The following ZFAND3 variants were observed in gnomAD, a reference collection of about 807,000 sequenced individuals.
The protein encoded by ZFAND3 is zinc finger AN1-type containing 3.
A neutral mutation model predicts 29.6 loss-of-function variants in ZFAND3; 10 were observed. The ratio of observed to expected loss-of-function variants is 0.34; its 90% confidence interval spans 0.21 to 0.57. The LOEUF (loss-of-function observed/expected upper bound fraction) is 0.57. ZFAND3 is among the 20% of genes least tolerant of loss of function. The pLI, the probability that ZFAND3 is intolerant of heterozygous loss-of-function variation, is 0.86. For missense variants in ZFAND3, 230 were observed against 304.5 expected (o/e 0.76, Z 1.82); for synonymous variants, 128 against 112.6 (o/e 1.14, Z -0.87).
intron 1 of ZFAND3, among the ~76,000 whole-genome samples, chr6:37,895,459 C>CTGTTT (rs1765183098): frequency 2.6e-5 from 2 of 76,772 alleles, no homozygotes; most frequent in Non-Finnish European, 2.4e-5. Flanking sequence ...CTCAGAGGTT[C>CTGTTT]TTTTTTTTTT....
chr6:37,909,770 T>G (rs1292923242), intron 1 of ZFAND3, among the ~76,000 whole-genome samples: 1 of 152,114 alleles, frequency 6.6e-6, no homozygotes. Context: ...TGTAAATACT[T>G]CCATTTCTTT....
intron 2 of ZFAND3, among the ~76,000 whole-genome samples, chr6:37,992,831 T>C (rs924257348): frequency 1.3e-5 from 2 of 152,196 alleles, no homozygotes; most frequent in Non-Finnish European, 2.9e-5. Flanking sequence ...TTTTTTTGTT[T>C]TTCCTGTCAT....
At chr6:38,023,418 CA>C (rs111474761) in intron 2 of ZFAND3, among the ~76,000 whole-genome samples, 10,392 of 152,052 alleles carry the variant, frequency 0.068, 430 homozygotes, top group Non-Finnish European at 0.087. Flanking sequence ...TTTGAGAGAT[CA>C]AAAAATGATA....
chr6:37,982,432 T>C (rs994203322), intron 2 of ZFAND3, among the ~76,000 whole-genome samples: 20 of 152,172 alleles, frequency 1.3e-4, no homozygotes, highest in Admixed American at 6.5e-5. Flanking sequence ...GGGTGAAAGA[T>C]GATGCAAATA....
intron 1 of ZFAND3, among the ~76,000 whole-genome samples, chr6:37,907,132 G>A (rs541000843): frequency 6.6e-6 from 1 of 151,622 alleles, no homozygotes; most frequent in South Asian, 2.1e-4. Flanking sequence ...CTGACTCTCT[G>A]TCTGCACTAA....
chr6:38,045,104 T>TTATC (rs57678196), intron 2 of ZFAND3, among the ~76,000 whole-genome samples: 1 of 148,962 alleles, frequency 6.7e-6, no homozygotes, highest in African/African-American at 2.5e-5. Context: ...ATTTATTTAT[T>TTATC]GAGATGGAAT....
At chr6:37,835,407 C>T (rs1189480114) in intron 1 of ZFAND3, among the ~76,000 whole-genome samples, 1 of 151,694 alleles carries the variant, frequency 6.6e-6, no homozygotes, top group African/African-American at 2.4e-5. Context: ...TCCTCCTGCC[C>T]CAGCCTCCCA....
intron 2 of ZFAND3, among the ~76,000 whole-genome samples, chr6:38,039,829 A>G (rs747479396): frequency 2.6e-5 from 4 of 152,172 alleles, no homozygotes; most frequent in Non-Finnish European, 2.9e-5. Context: ...AAATATGACT[A>G]ATATTAAAAT....
At chr6:37,878,909 G>T (rs968444871) in intron 1 of ZFAND3, among the ~76,000 whole-genome samples, 2 of 152,208 alleles carry the variant, frequency 1.3e-5, no homozygotes, top group African/African-American at 4.8e-5. Flanking sequence ...TGTTTCTCCA[G>T]GACAGGTCAG....
intron 1 of ZFAND3, among the ~76,000 whole-genome samples, chr6:37,834,064 G>A (rs937824948): frequency 6.6e-6 from 1 of 151,786 alleles, no homozygotes; most frequent in African/African-American, 2.4e-5. Flanking sequence ...TCTTGGTGGT[G>A]GTATATTCAG....
chr6:38,114,074 C>T (rs1368897449), intron 4 of ZFAND3, among the ~76,000 whole-genome samples: 1 of 152,216 alleles, frequency 6.6e-6, no homozygotes, highest in Non-Finnish European at 1.5e-5. Context: ...AAGGCCTCAG[C>T]TGCCTCCCCA....
intron 1 of ZFAND3, among the ~76,000 whole-genome samples, chr6:37,878,572 AC>A (rs1445453507): frequency 2.0e-5 from 3 of 152,170 alleles, no homozygotes; most frequent in Non-Finnish European, 4.4e-5. Flanking sequence ...CCACAGCAGC[AC>A]CCTGGGGCTG....
intron 2 of ZFAND3, among the ~76,000 whole-genome samples, chr6:37,951,049 G>A: frequency 6.6e-6 from 1 of 152,094 alleles, no homozygotes; most frequent in Non-Finnish European, 1.5e-5. Context: ...TTTTTCAGCA[G>A]TGTTTTATAA....
intron 2 of ZFAND3, among the ~76,000 whole-genome samples, chr6:37,938,029 TTTAC>T (rs1473373928): frequency 2.0e-5 from 3 of 152,208 alleles, no homozygotes; most frequent in Admixed American, 6.5e-5. Context: ...ACAGTTTTCT[TTTAC>T]CCTAGTCATC....
chr6:38,011,731 T>G (rs1313239516), intron 2 of ZFAND3, among the ~76,000 whole-genome samples: 1 of 152,212 alleles, frequency 6.6e-6, no homozygotes, highest in African/African-American at 2.4e-5. Context: ...TAATTTTATA[T>G]TAATTGGTTT....
At chr6:37,828,046 G>C (rs1763791334) in intron 1 of ZFAND3, among the ~76,000 whole-genome samples, 2 of 152,208 alleles carry the variant, frequency 1.3e-5, no homozygotes, top group African/African-American at 4.8e-5. Context: ...AAGTAGAGTG[G>C]TGTGGAGGAA....
At chr6:37,934,275 C>T (rs538831821) in intron 2 of ZFAND3, among the ~76,000 whole-genome samples, 23 of 152,024 alleles carry the variant, frequency 1.5e-4, no homozygotes, top group African/African-American at 5.1e-4. Context: ...CTCTGCCTCC[C>T]GGGTTCAAGC....
intron 5 of ZFAND3, among the ~76,000 whole-genome samples, chr6:38,137,104 A>G (rs1356014326): frequency 1.3e-5 from 2 of 152,242 alleles, no homozygotes; most frequent in South Asian, 4.1e-4. Flanking sequence ...GTTTGTAATT[A>G]TGAGCAACAG....
intron 3 of ZFAND3, among the ~76,000 whole-genome samples, chr6:38,062,816 A>G (rs1361480164): frequency 6.6e-6 from 1 of 152,080 alleles, no homozygotes; most frequent in Non-Finnish European, 1.5e-5. Flanking sequence ...ATATTATGAC[A>G]TAGTAGTTTT....
Sources: allele counts gnomAD v4.1 joint callset (sites outside exome capture counted in the v4.1 genomes callset), GRCh38; gene constraint gnomAD v4.1.1; transcripts MANE v1.5; gene names NCBI Gene and HGNC (gene_info 2026-07-23, HGNC 2026-07-21).